Variants in SKAP2 observed in about 807,000 individuals in gnomAD.
SKAP2 encodes the protein src kinase-associated phosphoprotein 2.
In SKAP2, 28 loss-of-function variants were observed where a neutral mutation model predicts 54.9. The observed-to-expected ratio is 0.51, with a 90% CI of 0.38 to 0.70. SKAP2 has a LOEUF of 0.70. Among genes scored for constraint, SKAP2 ranks in the 30% least tolerant of loss-of-function variants. The pLI, the probability that SKAP2 is intolerant of heterozygous loss-of-function variation, is 0.00. For missense variants in SKAP2, 356 were observed against 424.1 expected (o/e 0.84, Z 1.41); for synonymous variants, 137 against 134.3 (o/e 1.02, Z -0.14).
the SKAP2 span, among the ~76,000 whole-genome samples, chr7:26,656,346 T>C: frequency 2.2e-4 from 33 of 152,350 alleles, no homozygotes; most frequent in Non-Finnish European, 4.4e-4. Flanking sequence ...CCAAGCTTTA[T>C]TTGTATTTTT....
chr7:26,754,050 CTA>C (rs1448218269), intron 4 of SKAP2, among the ~76,000 whole-genome samples: 1 of 152,010 alleles, frequency 6.6e-6, no homozygotes, highest in African/African-American at 2.4e-5. Flanking sequence ...GCCTATTTAG[CTA>C]TGTGATTTTA....
At chr7:26,828,119 T>TG (rs1249918738) in intron 4 of SKAP2, among the ~76,000 whole-genome samples, 1 of 152,160 alleles carries the variant, frequency 6.6e-6, no homozygotes. Flanking sequence ...AACTATGTAT[T>TG]GACAAAGCCT....
At chr7:26,694,626 A>G (rs1786857327) in intron 9 of SKAP2, among the ~76,000 whole-genome samples, 1 of 151,584 alleles carries the variant, frequency 6.6e-6, no homozygotes, top group South Asian at 2.1e-4. Context: ...TGTCAAAAAT[A>G]TGAAACTTCC....
chr7:26,840,718 T>A (rs2127994985), intron 4 of SKAP2, among the ~76,000 whole-genome samples: 1 of 152,048 alleles, frequency 6.6e-6, no homozygotes, highest in East Asian at 1.9e-4. Flanking sequence ...CAGAAAAAAA[T>A]CAAGCATAAA....
At chr7:26,717,847 AT>A (rs1167278762) in intron 9 of SKAP2, among the ~76,000 whole-genome samples, 3 of 151,464 alleles carry the variant, frequency 2.0e-5, no homozygotes, top group Non-Finnish European at 4.4e-5. Context: ...AAATAAAAAA[AT>A]AAAAATAATT....
At chr7:26,827,249 T>C (rs1784509974) in intron 4 of SKAP2, among the ~76,000 whole-genome samples, 1 of 152,214 alleles carries the variant, frequency 6.6e-6, no homozygotes, top group African/African-American at 2.4e-5. Flanking sequence ...ATGAAATTAC[T>C]TTCTGACATA....
intron 4 of SKAP2, among the ~76,000 whole-genome samples, chr7:26,765,102 T>C (rs942232230): frequency 2.6e-4 from 40 of 152,282 alleles, no homozygotes; most frequent in Admixed American, 1.2e-3. Flanking sequence ...ACCAACAGTA[T>C]AAAAGCGTTC....
chr7:26,848,949 C>T (rs758276453), intron 3 of SKAP2, among the ~76,000 whole-genome samples: 2 of 152,088 alleles, frequency 1.3e-5, no homozygotes, highest in Non-Finnish European at 2.9e-5. Flanking sequence ...TCAAGCACTG[C>T]CTGTGAAATA....
intron 4 of SKAP2, among the ~76,000 whole-genome samples, chr7:26,776,674 AT>A (rs971081525): frequency 7.2e-5 from 11 of 152,074 alleles, no homozygotes; most frequent in Admixed American, 7.2e-4. Flanking sequence ...ATAATTTATC[AT>A]TTCTTTTGGA....
intron 8 of SKAP2, 141 bp downstream of exon 8, chr7:26,725,778 GAAGT>G (rs1429079905): frequency 1.6e-5 from 13 of 793,668 alleles, no homozygotes; most frequent in Non-Finnish European, 2.6e-5. Flanking sequence ...TTTAAAATCT[GAAGT>G]GAGTGGTCTG....
At chr7:26,705,321 A>T (rs1002628720) in intron 9 of SKAP2, among the ~76,000 whole-genome samples, 1 of 152,254 alleles carries the variant, frequency 6.6e-6, no homozygotes, top group Non-Finnish European at 1.5e-5. Flanking sequence ...CTAATTAAAT[A>T]ATGCAATCAA....
chr7:26,864,502 C>T lies in SKAP2; in HGVS notation c.-73G>A. 6 of 1,524,982 alleles carry T rather than the reference C, an allele frequency of 3.9e-6. No homozygotes were observed. Among genetic ancestry groups the T allele is most frequent in the Non-Finnish European group, 5.3e-6 (6 of 1,137,734 alleles). 94.5% of individuals were successfully genotyped at this position (1,524,982 alleles called of 1,614,324 possible). ...GACCGACGGGGTGGGGCTGCGGCTGCGACCTAGACTCAGGCTAGCGGCCCG... is the reference window on the plus strand; with the variant it reads ...GACCGACGGGGTGGGGCTGCGGCTGTGACCTAGACTCAGGCTAGCGGCCCG... On this transcript the variant is annotated 5_prime_UTR_variant, in exon 1 of 13. Transcript: ENST00000345317.
chr7:26,665,748 T>G (rs2128082111), downstream of SKAP2, among the ~76,000 whole-genome samples: 1 of 152,282 alleles, frequency 6.6e-6, no homozygotes, highest in African/African-American at 2.4e-5. Flanking sequence ...TAACAGATAT[T>G]CTGGAAGAAC....
chr7:26,790,023 C>A (rs1401785355), intron 4 of SKAP2, among the ~76,000 whole-genome samples: 1 of 152,178 alleles, frequency 6.6e-6, no homozygotes, highest in Admixed American at 6.6e-5. Flanking sequence ...TACAAGACTG[C>A]ATGCCTACCA....
intron 4 of SKAP2, among the ~76,000 whole-genome samples, chr7:26,765,451 G>C (rs992911713): frequency 2.0e-5 from 3 of 152,056 alleles, no homozygotes; most frequent in Non-Finnish European, 2.9e-5. Flanking sequence ...TTCTTTTGCT[G>C]TGCAGAAGGT....
intron 7 of SKAP2, chr7:26,726,602 C>A (rs921414602): frequency 3.8e-5 from 9 of 236,816 alleles, no homozygotes; most frequent in Non-Finnish European, 6.5e-5. Context: ...TGCTATGCAA[C>A]ATGTGATCAC....
chr7:26,717,749 T>C (rs894906637), intron 9 of SKAP2, among the ~76,000 whole-genome samples: 4 of 150,994 alleles, frequency 2.6e-5, no homozygotes, highest in Non-Finnish European at 5.9e-5. Context: ...GGAAAATCAC[T>C]TGAACCTCGG....
At chr7:26,810,175 A>G (rs2127987642) in intron 4 of SKAP2, among the ~76,000 whole-genome samples, 1 of 152,222 alleles carries the variant, frequency 6.6e-6, no homozygotes, top group East Asian at 1.9e-4. Flanking sequence ...ATCTCCACAA[A>G]AATAAAAAAA....
intron 12 of SKAP2, 115 bp downstream of exon 12, chr7:26,669,976 A>G: frequency 2.3e-6 from 1 of 439,122 alleles, no homozygotes. Flanking sequence ...ATTTCGGGGC[A>G]CAATCTTTGT....
Sources: gnomAD v4.1 joint callset for allele counts (sites outside exome capture counted in the v4.1 genomes callset) on GRCh38, gnomAD v4.1.1 for gene constraint, MANE v1.5 for transcripts, NCBI Gene and HGNC (gene_info 2026-07-23, HGNC 2026-07-21) for gene names.